Variants in ST8SIA4 observed in about 807,000 individuals in gnomAD.
The protein encoded by ST8SIA4 is ST8 alpha-N-acetyl-neuraminide alpha-2,8-sialyltransferase 4.
Under a neutral mutation model 33.9 loss-of-function variants are expected in ST8SIA4, and 15 were observed. The ratio of observed to expected loss-of-function variants is 0.44; its 90% CI spans 0.30 to 0.68. The LOEUF is 0.68. Ranked by LOEUF, ST8SIA4 falls within the 30% of genes least tolerant of loss-of-function variation. The probability of loss-of-function intolerance (pLI) is 0.10; values close to 1 mark genes in which losing one functional copy is unlikely to be tolerated. For missense variants in ST8SIA4, 321 were observed against 428.0 expected (o/e 0.75, Z 2.21); for synonymous variants, 171 against 151.2 (o/e 1.13, Z -0.96).
intron 4 of ST8SIA4, among the ~76,000 whole-genome samples, chr5:100,820,889 G>A (rs1358736751): frequency 2.0e-5 from 3 of 152,090 alleles, no homozygotes; most frequent in African/African-American, 7.2e-5. Context: ...CAAATTGGAG[G>A]TAGAGTAAAA....
intron 4 of ST8SIA4, among the ~76,000 whole-genome samples, chr5:100,823,818 C>A (rs1751082611): frequency 1.3e-5 from 2 of 152,132 alleles, no homozygotes; most frequent in Non-Finnish European, 2.9e-5. Flanking sequence ...GAGGCACTGC[C>A]TAAGACAAAC....
At chr5:100,824,310 CA>C (rs1474036841) in intron 4 of ST8SIA4, among the ~76,000 whole-genome samples, 1 of 151,850 alleles carries the variant, frequency 6.6e-6, no homozygotes, top group African/African-American at 2.4e-5. Flanking sequence ...TATAGAGGTT[CA>C]AAAAGAAACT....
Position 100,810,973 on chromosome 5 carries a change from T to G in ST8SIA4, c.*874A>C, listed in dbSNP as rs1344875744. The G allele has an allele frequency of 6.6e-6, 1 of 152,150 alleles. No individual in the cohort carries two copies. Among genetic ancestry groups the G allele is most frequent in the Non-Finnish European group, 1.5e-5 (1 of 68,078 alleles). 9.4% of individuals were successfully genotyped at this position (152,150 alleles called of 1,614,324 possible). On this transcript the variant is annotated 3_prime_UTR_variant, in exon 5 of 5. Transcript: ENST00000231461. Reference sequence around the variant, plus strand: ...CGGGTGGATCACGAGGTCAGGAGATTGAGACCATCCTGGCTAACACGGTGA... The same window carrying G: ...CGGGTGGATCACGAGGTCAGGAGATGGAGACCATCCTGGCTAACACGGTGA...
intron 4 of ST8SIA4, among the ~76,000 whole-genome samples, chr5:100,838,891 GGTGGCATTCA>G (rs1373364879): frequency 6.6e-6 from 1 of 151,906 alleles, no homozygotes. Flanking sequence ...ATCATAAAAT[GGTGGCATTCA>G]GTTTCCAACA....
At chr5:100,849,169 T>C (rs920142144) in intron 4 of ST8SIA4, 1 of 985,178 alleles carries the variant, frequency 1.0e-6, no homozygotes, top group Non-Finnish European at 1.2e-6. Context: ...ACAAGAGTTT[T>C]TTTGTGACAG....
Position 100,856,411 on chromosome 5 carries a change from A to G in ST8SIA4, c.504-15T>C, listed in dbSNP as rs1751814524. ...CTAGATTACACCTGAAGAGGAAAAA[A>G]TTAATGGGACAAATGAAAAAAAAAG... is the stretch of plus-strand genomic sequence containing the variant. On this transcript the variant is annotated splice_polypyrimidine_tract_variant and intron_variant, in intron 3 of 4. Coordinates refer to ENST00000231461, the MANE Select transcript of ST8SIA4 (RefSeq NM_005668.6). The G allele has an allele frequency of 7.5e-6, 12 of 1,593,578 alleles. No homozygotes were observed. Among genetic ancestry groups the G allele is most frequent in the South Asian group, 1.1e-5 (1 of 88,000 alleles).
chr5:100,859,531 T>C (rs1264839558), intron 3 of ST8SIA4, among the ~76,000 whole-genome samples: 3 of 152,236 alleles, frequency 2.0e-5, no homozygotes, highest in Non-Finnish European at 4.4e-5. Flanking sequence ...TACTCTAAAC[T>C]TCCCAGTTCT....
intron 3 of ST8SIA4, among the ~76,000 whole-genome samples, chr5:100,859,278 G>A (rs1168650149): frequency 6.6e-6 from 1 of 152,016 alleles, no homozygotes; most frequent in African/African-American, 2.4e-5. Flanking sequence ...AAATTAGCCA[G>A]AATGTGTCTC....
intron 4 of ST8SIA4, among the ~76,000 whole-genome samples, chr5:100,815,264 G>T (rs1750891891): frequency 6.6e-6 from 1 of 151,746 alleles, no homozygotes; most frequent in South Asian, 2.1e-4. Context: ...TCCACATAAG[G>T]ATAATTACTG....
intron 1 of ST8SIA4, among the ~76,000 whole-genome samples, chr5:100,902,373 A>AG (rs1407719723): frequency 6.6e-6 from 1 of 152,052 alleles, no homozygotes; most frequent in Non-Finnish European, 1.5e-5. Flanking sequence ...CAAATAGAAA[A>AG]AAAAAAAGTA....
intron 3 of ST8SIA4, among the ~76,000 whole-genome samples, chr5:100,881,120 A>G (rs1345776379): frequency 6.6e-6 from 1 of 152,222 alleles, no homozygotes; most frequent in East Asian, 1.9e-4. Flanking sequence ...TGGGAGGTAG[A>G]CTGAAGTAGG....
At chr5:100,878,173 G>A (rs1157227262) in intron 3 of ST8SIA4, among the ~76,000 whole-genome samples, 2 of 151,954 alleles carry the variant, frequency 1.3e-5, no homozygotes, top group African/African-American at 4.8e-5. Flanking sequence ...TCTTTATTCA[G>A]AAGTGACAAA....
chr5:100,873,941 C>A (rs973129364), intron 3 of ST8SIA4, among the ~76,000 whole-genome samples: 2 of 152,034 alleles, frequency 1.3e-5, no homozygotes, highest in Non-Finnish European at 2.9e-5. Context: ...AAGATAACTA[C>A]AGAAAAAATG....
Position 100,903,207 on chromosome 5 carries a change from C to A in ST8SIA4, c.-252G>T. On this transcript the variant is annotated 5_prime_UTR_variant, in exon 1 of 5. Transcript: ENST00000231461. ...GTCGCTCCGCGCCGCCTCCCTGGGG[C>A]TCAGGTTTCTTTTCAGATGAGACAC... 1 of 508,058 alleles carries A rather than the reference C, an allele frequency of 2.0e-6. No homozygotes were observed. The highest frequency in any genetic ancestry group is 3.5e-6 in the Non-Finnish European group (1 of 286,178). 31.5% of individuals were successfully genotyped at this position (508,058 alleles called of 1,614,324 possible). A position where few individuals can be genotyped will look rare whatever the true frequency, so the allele number is the denominator to read the frequency against.
At chr5:100,887,128 T>C (rs914275225) in intron 2 of ST8SIA4, among the ~76,000 whole-genome samples, 1 of 152,050 alleles carries the variant, frequency 6.6e-6, no homozygotes, top group Non-Finnish European at 1.5e-5. Context: ...TATAATTATC[T>C]AAAGAAGAAT....
At position 100,810,073 on chromosome 5, in the gene ST8SIA4, C is replaced by A. The variant is rs2725124; in HGVS notation, c.*1774G>T. The A allele has an allele frequency of 0.58, 87,506 of 151,966 alleles. 25,853 individuals carry two copies. The highest frequency in any genetic ancestry group is 0.73 in the South Asian group (3,518 of 4,826). The allele number at this position is 151,966 out of a possible 1,614,324, so 9.4% of individuals were successfully genotyped here. A position where few individuals can be genotyped will look rare whatever the true frequency, so the allele number is the denominator to read the frequency against. ...ATTTCTTCTTTCCTCAAATTGCCTG[C>A]CCAAGAAATAAGAAATCAAAGTACA... On this transcript the variant is annotated 3_prime_UTR_variant, in exon 5 of 5. Coordinates refer to ENST00000231461, the MANE Select transcript of ST8SIA4 (RefSeq NM_005668.6).
intron 4 of ST8SIA4, among the ~76,000 whole-genome samples, chr5:100,831,848 A>G (rs931176744): frequency 3.3e-5 from 5 of 152,094 alleles, no homozygotes; most frequent in Admixed American, 1.3e-4. Flanking sequence ...CTTTTCTACA[A>G]TTGGTTTGTG....
chr5:100,826,876 T>C (rs2112410168), intron 4 of ST8SIA4, among the ~76,000 whole-genome samples: 1 of 151,802 alleles, frequency 6.6e-6, no homozygotes, highest in African/African-American at 2.4e-5. Context: ...AATACATTAA[T>C]ACATCGAATC....
chr5:100,810,217 TAATA>T lies in ST8SIA4; in HGVS notation c.*1626_*1629del, dbSNP rs1750787259. 1.3e-5 allele frequency: 2 copies of T among 152,198 alleles called. No individual in the cohort carries two copies. The highest frequency in any genetic ancestry group is 6.5e-5 in the Admixed American group (1 of 15,286). The allele number at this position is 152,198 out of a possible 1,614,324, so 9.4% of individuals were successfully genotyped here. ...ATTAAAAATTTTTTAATTACTTTAT[TAATA>T]ATTTCATGTGTTTCTTGAAGAACAT... is the stretch of plus-strand genomic sequence containing the variant. On this transcript the variant is annotated 3_prime_UTR_variant, in exon 5 of 5. Transcript: ENST00000231461.
Sources: allele counts gnomAD v4.1 joint callset (sites outside exome capture counted in the v4.1 genomes callset), GRCh38; gene constraint gnomAD v4.1.1; transcripts MANE v1.5; gene names NCBI Gene and HGNC (gene_info 2026-07-23, HGNC 2026-07-21).